The following MEF2C variants were observed in gnomAD, a reference collection of about 807,000 sequenced individuals.
MEF2C encodes myocyte enhancer factor 2C.
Under a neutral mutation model 50.5 loss-of-function variants are expected in MEF2C, and 6 were observed. The ratio of observed to expected loss-of-function variants is 0.12; its 90% CI spans 0.07 to 0.23. The LOEUF (loss-of-function observed/expected upper bound fraction) is 0.23. MEF2C is among the 10% of genes least tolerant of loss of function. MEF2C has a pLI of 1.00. For missense variants in MEF2C, 276 were observed against 605.0 expected (o/e 0.46, Z 5.70); for synonymous variants, 183 against 228.0 (o/e 0.80, Z 1.78).
At chr5:88,735,262 G>C in intron 6 of MEF2C, 5 of 985,386 alleles carry the variant, frequency 5.1e-6, no homozygotes, top group Non-Finnish European at 6.0e-6. Flanking sequence ...ATTCACCAAA[G>C]AGAATGGTCG....
intron 1 of MEF2C, among the ~76,000 whole-genome samples, chr5:88,865,708 T>A (rs769264190): frequency 6.6e-6 from 1 of 152,164 alleles, no homozygotes; most frequent in Admixed American, 6.5e-5. Context: ...ATAACTGGCC[T>A]CAGTGGTTTT....
intron 3 of MEF2C, among the ~76,000 whole-genome samples, chr5:88,783,693 T>C (rs1248746814): frequency 1.3e-5 from 2 of 152,152 alleles, no homozygotes; most frequent in African/African-American, 2.4e-5. Flanking sequence ...CAAGGACATA[T>C]AGAACTCAGG....
At chr5:88,897,948 A>G (rs922439531) in intron 1 of MEF2C, among the ~76,000 whole-genome samples, 1 of 152,174 alleles carries the variant, frequency 6.6e-6, no homozygotes, top group African/African-American at 2.4e-5. Flanking sequence ...GCCCCACCTC[A>G]GGCCCACTTA....
intron 3 of MEF2C, among the ~76,000 whole-genome samples, chr5:88,783,395 G>A (rs1019228799): frequency 6.6e-6 from 1 of 152,154 alleles, no homozygotes; most frequent in African/African-American, 2.4e-5. Flanking sequence ...TTGGGAGGCC[G>A]AGGCTGGCGG....
intron 1 of MEF2C, among the ~76,000 whole-genome samples, chr5:88,868,370 C>A (rs74647489): frequency 0.019 from 2,905 of 152,208 alleles, 33 homozygotes; most frequent in Admixed American, 0.033. Context: ...GTAAGCTTTT[C>A]CCCCAGTGAA....
chr5:88,898,004 T>C (rs751385880), intron 1 of MEF2C, among the ~76,000 whole-genome samples: 3 of 152,174 alleles, frequency 2.0e-5, no homozygotes, highest in Admixed American at 2.0e-4. Flanking sequence ...CTCAGGTGGT[T>C]CTTCCATAGC....
At chr5:88,793,676 G>T (rs1206760626) in intron 3 of MEF2C, among the ~76,000 whole-genome samples, 1 of 151,896 alleles carries the variant, frequency 6.6e-6, no homozygotes, top group Non-Finnish European at 1.5e-5. Flanking sequence ...TTAAGTTCTG[G>T]GATACGTGTG....
At chr5:88,804,314 G>C (rs927309894) in intron 3 of MEF2C, among the ~76,000 whole-genome samples, 1 of 152,146 alleles carries the variant, frequency 6.6e-6, no homozygotes, top group African/African-American at 2.4e-5. Context: ...ACACAGCTGT[G>C]GACAATGACC....
chr5:88,815,918 G>A (rs1209127412), intron 2 of MEF2C, among the ~76,000 whole-genome samples: 1 of 152,002 alleles, frequency 6.6e-6, no homozygotes, highest in African/African-American at 2.4e-5. Flanking sequence ...CATTTGCAAA[G>A]CTAAAGGTGA....
intron 1 of MEF2C, among the ~76,000 whole-genome samples, chr5:88,869,850 T>C (rs1828964973): frequency 6.7e-6 from 1 of 150,340 alleles, no homozygotes; most frequent in Admixed American, 6.7e-5. Flanking sequence ...CATTATTTTG[T>C]GAAAGGATGG....
rs531844296 is a variant in MEF2C, at chr5:88,743,254, G to T, written c.637+5816C>A. ...TGCAATCTTAAGTTATGTTTTCCTG[G>T]GCAACAAAAAATGCAAACTTGTTAA... On this transcript the variant is annotated intron_variant, in intron 6 of 10. Transcript: ENST00000504921. The T allele has an allele frequency of 1.3e-3, 1,238 of 983,824 alleles. 1 individual carries two copies. Among genetic ancestry groups the T allele is most frequent in the Non-Finnish European group, 1.4e-3 (1,178 of 829,064 alleles). The allele number at this position is 983,824 out of a possible 1,614,324, so 60.9% of individuals were successfully genotyped here.
intron 5 of MEF2C, 122 bp from the exon 6 acceptor site, chr5:88,749,239 C>T (rs1435861653): frequency 8.0e-7 from 1 of 1,250,458 alleles, no homozygotes; most frequent in Non-Finnish European, 1.0e-6. Context: ...TAAAGTACAA[C>T]CCAAGTCAGA....
chr5:88,872,153 T>C (rs573586354), intron 1 of MEF2C, among the ~76,000 whole-genome samples: 125 of 152,134 alleles, frequency 8.2e-4, no homozygotes, highest in Non-Finnish European at 1.5e-3. Flanking sequence ...TATTAATGTA[T>C]ACAAAAGTGG....
At position 88,749,806 on chromosome 5, in the gene MEF2C, G is replaced by A. The variant is rs1459504463; in HGVS notation, c.590-689C>T. ...AGCACTTTGGGAGGCCCAGGTGGGC[G>A]GATCACGAGGTCAGGAGATAGAGAC... is the stretch of plus-strand genomic sequence containing the variant. On this transcript the variant is annotated intron_variant, in intron 5 of 10. Coordinates refer to ENST00000504921, the MANE Select transcript of MEF2C (RefSeq NM_002397.5). Among the ~76,000 whole-genome samples the A allele has an allele frequency of 2.6e-5, 4 of 152,228 alleles. No homozygotes were observed. In the East Asian group the frequency reaches 5.8e-4, roughly 22 times the overall value.
chr5:88,742,898 T>TC, intron 6 of MEF2C: 1 of 984,866 alleles, frequency 1.0e-6, no homozygotes, highest in African/African-American at 1.7e-5. Flanking sequence ...GGTTTTTTTT[T>TC]TTCTTTAATC....
intron 1 of MEF2C, among the ~76,000 whole-genome samples, chr5:88,900,836 G>T (rs1456678151): frequency 6.6e-6 from 1 of 151,876 alleles, no homozygotes; most frequent in Admixed American, 6.6e-5. Flanking sequence ...TCTACATAAA[G>T]GTCACCACCT....
intron 1 of MEF2C, among the ~76,000 whole-genome samples, chr5:88,831,616 A>T (rs923910983): frequency 6.6e-6 from 1 of 152,044 alleles, no homozygotes; most frequent in African/African-American, 2.4e-5. Flanking sequence ...ATTTATTTTT[A>T]TCTCTAAACC....
intron 6 of MEF2C, chr5:88,748,843 C>A (rs1771229401): frequency 1.0e-6 from 1 of 985,296 alleles, no homozygotes; most frequent in Non-Finnish European, 1.2e-6. Context: ...CTCTGCTGAC[C>A]AGTTGAAGCT....
intron 7 of MEF2C, chr5:88,731,409 G>A (rs910477979): frequency 1.2e-5 from 3 of 250,312 alleles, no homozygotes; most frequent in African/African-American, 2.3e-5. Context: ...CTTATGGGAC[G>A]TAGAGATTGA....
Sources: allele counts gnomAD v4.1 joint callset (sites outside exome capture counted in the v4.1 genomes callset), GRCh38; gene constraint gnomAD v4.1.1; transcripts MANE v1.5; gene names NCBI Gene and HGNC (gene_info 2026-07-23, HGNC 2026-07-21).